The following SGCD variants were observed in gnomAD, a reference collection of about 807,000 sequenced individuals.
The protein encoded by SGCD is delta-sarcoglycan.
In SGCD, 18 loss-of-function variants were observed where a neutral mutation model predicts 36.6. That is an observed-to-expected ratio of 0.49 (90% CI 0.34 to 0.73). The LOEUF (loss-of-function observed/expected upper bound fraction) is 0.73. Among genes scored for constraint, SGCD ranks in the 30% least tolerant of loss-of-function variants. The pLI is 0.01. For synonymous variants in SGCD, 133 were observed against 130.6 expected (o/e 1.02, Z -0.12); for missense variants, 387 against 346.7 (o/e 1.12, Z -0.92).
intron 3 of SGCD, among the ~76,000 whole-genome samples, chr5:156,475,162 C>A (rs559514539): frequency 6.6e-6 from 1 of 152,212 alleles, no homozygotes; most frequent in Non-Finnish European, 1.5e-5. Flanking sequence ...CACAAACTAT[C>A]CCTGCTTTAA....
intron 3 of SGCD, among the ~76,000 whole-genome samples, chr5:156,419,511 A>G (rs1160830253): frequency 6.6e-6 from 1 of 152,142 alleles, no homozygotes; most frequent in Non-Finnish European, 1.5e-5. Flanking sequence ...TCTTCTGAAC[A>G]GGGATACAGC....
intron 3 of SGCD, among the ~76,000 whole-genome samples, chr5:156,426,287 G>A (rs1214002718): frequency 6.6e-6 from 1 of 152,028 alleles, no homozygotes; most frequent in Non-Finnish European, 1.5e-5. Flanking sequence ...GAGTAAGGTA[G>A]TAAGTCATTG....
At chr5:156,730,174 C>T (rs1168017344) in intron 7 of SGCD, among the ~76,000 whole-genome samples, 1 of 151,956 alleles carries the variant, frequency 6.6e-6, no homozygotes, top group East Asian at 1.9e-4. Flanking sequence ...AACACTTATC[C>T]AAAATCACAG....
intron 7 of SGCD, among the ~76,000 whole-genome samples, chr5:156,746,483 A>G (rs1756942596): frequency 6.6e-6 from 1 of 152,258 alleles, no homozygotes; most frequent in African/African-American, 2.4e-5. Context: ...GTAGTCTTGC[A>G]GGATTAAAGA....
At chr5:156,610,262 G>T (rs575163685) in intron 6 of SGCD, among the ~76,000 whole-genome samples, 1 of 152,318 alleles carries the variant, frequency 6.6e-6, no homozygotes, top group African/African-American at 2.4e-5. Flanking sequence ...CCTTCTAACA[G>T]TCAGGACCCT....
At chr5:156,645,940 C>T (rs1763207803) in intron 6 of SGCD, among the ~76,000 whole-genome samples, 1 of 152,148 alleles carries the variant, frequency 6.6e-6, no homozygotes, top group South Asian at 2.1e-4. Flanking sequence ...TGCCAGAGAT[C>T]TCATTCAGCC....
At chr5:156,291,233 C>T (rs1249042153) in intron 3 of SGCD, among the ~76,000 whole-genome samples, 1 of 152,086 alleles carries the variant, frequency 6.6e-6, no homozygotes, top group Non-Finnish European at 1.5e-5. Flanking sequence ...TATTTCAAAA[C>T]AGCTAGAAGA....
intron 6 of SGCD, among the ~76,000 whole-genome samples, 186 bp from the exon 7 acceptor site, chr5:156,647,278 T>C (rs1763263427): frequency 1.3e-5 from 2 of 152,162 alleles, no homozygotes; most frequent in African/African-American, 4.8e-5. Context: ...TCCTTGTTTT[T>C]CAAAGGCTGT....
At chr5:155,854,161 C>T in the SGCD span, among the ~76,000 whole-genome samples, 2 of 152,092 alleles carry the variant, frequency 1.3e-5, no homozygotes, top group Non-Finnish European at 2.9e-5. Context: ...TTAATCAAGG[C>T]ACAACTTCAG....
chr5:156,586,062 TG>T (rs1760479782), intron 4 of SGCD, among the ~76,000 whole-genome samples: 3 of 133,756 alleles, frequency 2.2e-5, no homozygotes, highest in South Asian at 4.4e-4. Context: ...ATTACTTTGG[TG>T]TTTTTTTTTT....
the SGCD span, among the ~76,000 whole-genome samples, chr5:155,797,740 G>A: frequency 2.0e-5 from 3 of 152,116 alleles, no homozygotes; most frequent in African/African-American, 7.2e-5. Flanking sequence ...TAGAGGGTTG[G>A]GCCAGAAAAT....
At chr5:156,070,321 T>A (rs1760504631) in intron 1 of SGCD, among the ~76,000 whole-genome samples, 1 of 152,104 alleles carries the variant, frequency 6.6e-6, no homozygotes. Context: ...GCCGAATTTA[T>A]TGAGAGTTTT....
chr5:155,774,165 A>C, the SGCD span, among the ~76,000 whole-genome samples: 1 of 152,096 alleles, frequency 6.6e-6, no homozygotes, highest in Admixed American at 6.6e-5. Context: ...ACTTGGCTCA[A>C]AATCTTGGGT....
At chr5:156,376,843 T>C (rs1485733755) in intron 3 of SGCD, among the ~76,000 whole-genome samples, 1 of 152,090 alleles carries the variant, frequency 6.6e-6, no homozygotes, top group East Asian at 1.9e-4. Flanking sequence ...TTAATACAAA[T>C]AGAATTTTTA....
At chr5:156,023,513 TCTA>T (rs1361654119) in intron 1 of SGCD, among the ~76,000 whole-genome samples, 1 of 152,234 alleles carries the variant, frequency 6.6e-6, no homozygotes, top group Non-Finnish European at 1.5e-5. Context: ...TACTTGTGCA[TCTA>T]CTATTGTGCA....
chr5:156,294,598 A>G (rs1239681235), intron 3 of SGCD, among the ~76,000 whole-genome samples: 1 of 152,124 alleles, frequency 6.6e-6, no homozygotes, highest in Non-Finnish European at 1.5e-5. Flanking sequence ...TTTACCATTG[A>G]GTATGATATT....
At chr5:156,380,940 C>T (rs1770942312) in intron 3 of SGCD, among the ~76,000 whole-genome samples, 1 of 152,126 alleles carries the variant, frequency 6.6e-6, no homozygotes, top group Non-Finnish European at 1.5e-5. Flanking sequence ...ATGGTGGTAG[C>T]ATCAGAGTTT....
intron 1 of SGCD, among the ~76,000 whole-genome samples, chr5:155,993,337 CTTTTTT>C (rs34221751): frequency 8.7e-6 from 1 of 114,538 alleles, no homozygotes; most frequent in Non-Finnish European, 1.8e-5. Context: ...ATCTGGGGTC[CTTTTTT>C]TTTTTTTTTT....
At chr5:156,263,600 T>C (rs1765924213) in intron 3 of SGCD, among the ~76,000 whole-genome samples, 1 of 152,166 alleles carries the variant, frequency 6.6e-6, no homozygotes. Context: ...TTAGTTTAAT[T>C]AAGTTCCTAT....
Sources: gnomAD v4.1 joint callset for allele counts (sites outside exome capture counted in the v4.1 genomes callset) on GRCh38, gnomAD v4.1.1 for gene constraint, MANE v1.5 for transcripts, NCBI Gene and HGNC (gene_info 2026-07-23, HGNC 2026-07-21) for gene names.